COMP: variants seen among roughly 807,000 people sequenced by gnomAD.
COMP encodes cartilage oligomeric matrix protein (pseudoachondroplasia, epiphyseal dysplasia 1, multiple).
COMP carries 79 observed loss-of-function variants against 95.8 expected under a neutral mutation model. That is an observed-to-expected ratio of 0.82 (90% CI 0.69 to 0.99). COMP has a LOEUF of 0.99. COMP is among the 50% of genes least tolerant of loss of function. COMP has a pLI of 0.00. For missense variants in COMP, 906 were observed against 1,076.1 expected (o/e 0.84, Z 2.21); for synonymous variants, 438 against 433.9 (o/e 1.01, Z -0.12).
chr19:18,789,813 T>C lies in COMP; in HGVS notation c.390+129A>G. 8.3e-7 allele frequency: 1 copy of C among 1,199,172 alleles called. No individual in the cohort carries two copies. Among genetic ancestry groups the C allele is most frequent in the Non-Finnish European group, 1.2e-6 (1 of 841,444 alleles). The allele number at this position is 1,199,172 out of a possible 1,614,324, so 74.3% of individuals were successfully genotyped here. ...CCGCGGTAAGGAGGTAGTCTGGCCGTGCGCCCCCGGAGGTGAGAGGCTCTT... is the reference window on the plus strand; with the variant it reads ...CCGCGGTAAGGAGGTAGTCTGGCCGCGCGCCCCCGGAGGTGAGAGGCTCTT... On this transcript the variant is annotated intron_variant, in intron 4 of 18. Coordinates refer to ENST00000222271, the MANE Select transcript of COMP (RefSeq NM_000095.3). This position sits in a 1 kb window ranked among gnomAD's most constrained non-coding sequence, Gnocchi z 6.1.
intron 3 of COMP, 150 bp downstream of exon 3, chr19:18,790,412 C>T: frequency 9.9e-7 from 1 of 1,010,448 alleles, no homozygotes; most frequent in Non-Finnish European, 1.6e-6. Flanking sequence ...TCTACACACC[C>T]CATCCCATTC....
chr19:18,791,155 G>A (rs1441804347), intron 1 of COMP, 36 bp downstream of exon 1: 1 of 1,557,532 alleles, frequency 6.4e-7, no homozygotes, highest in Non-Finnish European at 8.7e-7. Flanking sequence ...TCCGTTGTGG[G>A]GCCGTGGGCA....
At chr19:18,785,467 T>C (rs758283232) in intron 15 of COMP, 31 bp downstream of exon 15, 6 of 1,611,996 alleles carry the variant, frequency 3.7e-6, no homozygotes, top group South Asian at 1.1e-5. Flanking sequence ...GCCCGCTCCG[T>C]GGCAGGATAG....
chr19:18,789,629 C>G lies in COMP; in HGVS notation c.390+313G>C, dbSNP rs1601059121. On this transcript the variant is annotated intron_variant, in intron 4 of 18. Coordinates refer to ENST00000222271, the MANE Select transcript of COMP (RefSeq NM_000095.3). The surrounding 1 kb of genome is among the most constrained non-coding windows in gnomAD (Gnocchi z 6.1). ...GTGCGTTCCCTGGCTGTGGAAGGGT[C>G]GTTGGGACTGGCGATCCCCTGCGGC... Among the ~76,000 whole-genome samples the G allele has an allele frequency of 6.7e-6, 1 of 149,840 alleles. No homozygotes were observed. Among genetic ancestry groups the G allele is most frequent in the African/African-American group, 2.5e-5 (1 of 40,466 alleles).
intron 11 of COMP, 96 bp downstream of exon 11, chr19:18,786,436 G>A: frequency 1.3e-6 from 2 of 1,521,174 alleles, no homozygotes; most frequent in East Asian, 2.3e-5. Flanking sequence ...CATTTCTCTG[G>A]CAGTGTAAAA....
At chr19:18,790,809 C>A in intron 2 of COMP, 41 bp downstream of exon 2, 1 of 1,558,136 alleles carries the variant, frequency 6.4e-7, no homozygotes, top group Non-Finnish European at 8.7e-7. Context: ...AGACCCCCTT[C>A]CGTTCCCTGG....
Position 18,789,934 on chromosome 19 carries a change from T to C in COMP, c.390+8A>G. On this transcript the variant is annotated splice_region_variant and intron_variant, in intron 4 of 18. Transcript: ENST00000222271. This position sits in a 1 kb window ranked among gnomAD's most constrained non-coding sequence, Gnocchi z 6.1. ...CGTCAGGGCGGTGGAGTGTCGGGGC[T>C]AGCGCACCTCGTTGACGTCGGTGCA... 6.3e-7 allele frequency: 1 copy of C among 1,593,086 alleles called. No homozygotes were observed. The highest frequency in any genetic ancestry group is 8.5e-7 in the Non-Finnish European group (1 of 1,178,022).
chr19:18,790,519 G>T (rs1279899165), intron 3 of COMP, 43 bp downstream of exon 3: 1 of 1,609,330 alleles, frequency 6.2e-7, no homozygotes, highest in Non-Finnish European at 8.5e-7. Flanking sequence ...CTGTGTCTCT[G>T]TCTCCCGTCT....
chr19:18,788,457 C>T lies in COMP; in HGVS notation c.820G>A (p.Gly274Ser), dbSNP rs374743161. Residue 274 changes from glycine to serine, a missense_variant, in exon 8 of 19, where the codon GGC becomes AGC. Transcript: ENST00000222271. The surrounding 1 kb of genome is among the most constrained non-coding windows in gnomAD (Gnocchi z 4.7). ...ILCGRDTDLD[G>S]FPDEKLRCPE... The stretch of plus-strand genomic sequence containing the variant: ...CAGCGCAGCTTCTCGTCCGGGAAGC[C>T]GTCTAGGTCAGTGTCGCGACCACAG... The T allele has an allele frequency of 6.2e-7, 1 of 1,611,258 alleles. No individual in the cohort carries two copies. Among genetic ancestry groups the T allele is most frequent in the Non-Finnish European group, 8.5e-7 (1 of 1,179,424 alleles).
intron 9 of COMP, among the ~76,000 whole-genome samples, chr19:18,787,914 C>CTTTCCTTTT: frequency 1.5e-5 from 2 of 137,110 alleles, no homozygotes; most frequent in Middle Eastern, 3.8e-3. Flanking sequence ...TTCTTTCTTT[C>CTTTCCTTTT]TTTTTTTTGA....
At chr19:18,785,375 C>T (rs2055157827) in intron 15 of COMP, 123 bp downstream of exon 15, 4 of 1,357,226 alleles carry the variant, frequency 2.9e-6, no homozygotes, top group South Asian at 1.2e-5. Context: ...CTGTCCCCGC[C>T]CTTCCTGAGC....
chr19:18,790,724 C>T (rs1958924866), intron 2 of COMP, 111 bp from the exon 3 acceptor site: 2 of 1,609,774 alleles, frequency 1.2e-6, no homozygotes, highest in South Asian at 2.2e-5. Flanking sequence ...CAAGGACTCC[C>T]TACCCGCCGA....
chr19:18,787,778 G>A, intron 9 of COMP, 128 bp from the exon 10 acceptor site: 1 of 1,250,396 alleles, frequency 8.0e-7, no homozygotes, highest in Non-Finnish European at 1.1e-6. Flanking sequence ...GACCACGGAG[G>A]CCACGCCCCT....
rs776545314 is a variant in COMP at position 18,785,510 on chromosome 19, C to T, written c.1705G>A (p.Gly569Ser). 2 of 1,613,870 alleles carry T rather than the reference C, an allele frequency of 1.2e-6. No homozygotes were observed. The highest frequency in any genetic ancestry group is 1.7e-6 in the Non-Finnish European group (2 of 1,180,034). The change falls in exon 15 of 19, where the codon GGC becomes AGC. Residue 569 changes from glycine to serine, a missense_variant. Physicochemically the swap from Gly to Ser is moderately conservative, Grantham distance 56. Transcript: ENST00000222271. ...EIVQTMNSDP[G>S]LAVGYTAFNG... ...CCCCGCTTCTCACCCACAGCCAGGC[C>T]TGGGTCGCTGTTCATTGTCTGCACG...
At position 18,790,624 on chromosome 19, in the gene COMP, G is replaced by T. The variant is rs2055205871; in HGVS notation, c.166-11C>A. 1 of 1,613,746 alleles carries T rather than the reference G, an allele frequency of 6.2e-7. No homozygotes were observed. Among genetic ancestry groups the T allele is most frequent in the South Asian group, 1.1e-5 (1 of 91,072 alleles). On this transcript the variant is annotated splice_polypyrimidine_tract_variant and intron_variant, in intron 2 of 18. Transcript: ENST00000222271. ...CGTGATCTCCCTGACCTGCAGGGGT[G>T]GGATGGAATCAGCGGGGTCCCAACC... is the stretch of plus-strand genomic sequence containing the variant.
At chr19:18,790,447 C>G (rs1342397949) in intron 3 of COMP, 115 bp downstream of exon 3, 2 of 1,342,738 alleles carry the variant, frequency 1.5e-6, no homozygotes, top group Admixed American at 3.4e-5. Context: ...ACCTCTCCGT[C>G]AGCCTCCATC....
Position 18,788,428 on chromosome 19 carries a change from C to G in COMP, c.849G>C (p.Pro283=), listed in dbSNP as rs940833955. The G allele has an allele frequency of 6.2e-6, 10 of 1,609,860 alleles. No homozygotes were observed. The highest frequency in any genetic ancestry group is 1.3e-5 in the African/African-American group (1 of 74,782). The change falls in exon 8 of 19, where the codon CCG becomes CCC. Residue 283 remains proline, a synonymous_variant. Transcript: ENST00000222271. This position sits in a 1 kb window ranked among gnomAD's most constrained non-coding sequence, Gnocchi z 4.7. ...DGFPDEKLRC[P]ERQCRKDNCV... is the part of the protein sequence containing the mutation. Reference sequence around the variant, plus strand: ...CACCCACCTTACGGCACTGGCGCTCCGGGCAGCGCAGCTTCTCGTCCGGGA... The same window carrying G: ...CACCCACCTTACGGCACTGGCGCTCGGGGCAGCGCAGCTTCTCGTCCGGGA...
intron 13 of COMP, 39 bp from the exon 14 acceptor site, chr19:18,785,890 GC>G (rs1237923337): frequency 1.2e-6 from 2 of 1,606,048 alleles, no homozygotes; most frequent in Non-Finnish European, 1.7e-6. Context: ...TAAAGTCAGG[GC>G]CCGCCCACCG....
Position 18,788,829 on chromosome 19 carries a change from C to A in COMP, c.603+10G>T, listed in dbSNP as rs2055189636. 6.2e-7 allele frequency: 1 copy of A among 1,613,692 alleles called. No individual in the cohort carries two copies. The highest frequency in any genetic ancestry group is 1.7e-4 in the Middle Eastern group (1 of 6,040). Reference sequence around the variant, plus strand: ...CCCGCGATCCTTTCTTCCTCCCCAGCGGGCCTTACCCGGGTGTTGATGCAC... The same window carrying A: ...CCCGCGATCCTTTCTTCCTCCCCAGAGGGCCTTACCCGGGTGTTGATGCAC... On this transcript the variant is annotated intron_variant, in intron 6 of 18. Coordinates refer to ENST00000222271, the MANE Select transcript of COMP (RefSeq NM_000095.3). The surrounding 1 kb of genome is among the most constrained non-coding windows in gnomAD (Gnocchi z 4.7).
Sources: allele counts gnomAD v4.1 joint callset (sites outside exome capture counted in the v4.1 genomes callset), GRCh38; gene constraint gnomAD v4.1.1; non-coding constraint Gnocchi (gnomAD v3.1); transcripts MANE v1.5; gene names NCBI Gene and HGNC (gene_info 2026-07-23, HGNC 2026-07-21).